The following GRK3 variants were observed in gnomAD, a reference collection of about 807,000 sequenced individuals.
GRK3 encodes adrenergic, beta, receptor kinase 2.
Under a neutral mutation model 95.7 loss-of-function variants are expected in GRK3, and 54 were observed. The ratio of observed to expected loss-of-function variants is 0.56; its 90% CI spans 0.45 to 0.71. The LOEUF (loss-of-function observed/expected upper bound fraction) is 0.71, where lower values mean the gene tolerates loss of function less well. Among genes scored for constraint, GRK3 ranks in the 30% least tolerant of loss-of-function variants. GRK3 has a pLI of 0.00. For synonymous variants in GRK3, 281 were observed against 290.8 expected (o/e 0.97, Z 0.34); for missense variants, 649 against 851.2 (o/e 0.76, Z 2.96).
chr22:25,621,168 A>C (rs1366023858), intron 2 of GRK3, among the ~76,000 whole-genome samples: 1 of 152,252 alleles, frequency 6.6e-6, no homozygotes, highest in Non-Finnish European at 1.5e-5. Context: ...TATCCCTGCT[A>C]TAGAGATAGT....
intron 1 of GRK3, among the ~76,000 whole-genome samples, chr22:25,571,654 A>G (rs1334622006): frequency 6.6e-6 from 1 of 152,182 alleles, no homozygotes; most frequent in African/African-American, 2.4e-5. Context: ...CTGTGGTGCC[A>G]TGTGCTCTGA....
intron 6 of GRK3, among the ~76,000 whole-genome samples, chr22:25,670,200 A>G (rs2084969709): frequency 6.6e-6 from 1 of 152,152 alleles, no homozygotes; most frequent in South Asian, 2.1e-4. Flanking sequence ...CTTATTTTTT[A>G]AAAGGTCTAT....
intron 1 of GRK3, among the ~76,000 whole-genome samples, chr22:25,601,330 T>C (rs2084408462): frequency 6.6e-6 from 1 of 152,120 alleles, no homozygotes. Context: ...CATGAAAGAA[T>C]TAAAGTAAAA....
chr22:25,581,135 GA>G (rs1171945663), intron 1 of GRK3: 15 of 151,816 alleles, frequency 9.9e-5, no homozygotes, highest in South Asian at 2.1e-4. Flanking sequence ...AAAAGTAAAA[GA>G]AAAAAAATGG....
In GRK3 at chr22:25,714,447, T is replaced by C. The variant is rs780091438; in HGVS notation, c.1531T>C (p.Leu511=). Residue 511 remains leucine (L), a synonymous_variant, in exon 18 of 21, where the codon TTG becomes CTG. Transcript: ENST00000324198. The part of the protein sequence containing the change: ...CDQELYKNFP[L]VISERWQQEV... The stretch of plus-strand genomic sequence containing the variant: ...CCAAGAACTCTACAAGAACTTCCCT[T>C]TGGTCATCTCTGAACGCTGGCAGCA... The C allele has an allele frequency of 2.9e-5, 46 of 1,613,328 alleles. No homozygotes were observed. The highest frequency in any genetic ancestry group is 1.0e-5 in the Non-Finnish European group (12 of 1,179,846).
intron 1 of GRK3, among the ~76,000 whole-genome samples, chr22:25,582,005 G>A (rs1932115823): frequency 6.6e-6 from 1 of 152,132 alleles, no homozygotes; most frequent in African/African-American, 2.4e-5. Flanking sequence ...TTTCATGGCT[G>A]GGCGCGGTGG....
Position 25,687,962 on chromosome 22 carries a change from T to C in GRK3, c.957+295T>C, listed in dbSNP as rs5761154. ...TTAATGAAAAGCAATTTAGGCCAGG[T>C]GCGGTGGCTCATGCCTGTAATCCCA... On this transcript the variant is annotated intron_variant, in intron 11 of 20. Coordinates refer to ENST00000324198, the MANE Select transcript of GRK3 (RefSeq NM_005160.4). Among the ~76,000 whole-genome samples the C allele has an allele frequency of 8.6e-3, 1,308 of 152,190 alleles. 19 individuals carry two copies. The highest frequency in any genetic ancestry group is 0.049 in the East Asian group (253 of 5,176).
intron 1 of GRK3, among the ~76,000 whole-genome samples, chr22:25,583,111 G>C (rs1053341688): frequency 6.6e-6 from 1 of 150,962 alleles, no homozygotes; most frequent in Non-Finnish European, 1.5e-5. Flanking sequence ...GGGAAGAGAG[G>C]GGGTAGGAGG....
chr22:25,614,471 C>T (rs529046413), intron 2 of GRK3, among the ~76,000 whole-genome samples: 18 of 152,166 alleles, frequency 1.2e-4, no homozygotes, highest in Non-Finnish European at 2.2e-4. Flanking sequence ...TTAATTTTCC[C>T]AGAGCTCTTC....
At chr22:25,704,620 A>G (rs1270157401) in intron 15 of GRK3, among the ~76,000 whole-genome samples, 1 of 152,190 alleles carries the variant, frequency 6.6e-6, no homozygotes, top group Non-Finnish European at 1.5e-5. Context: ...TATGTTGGCC[A>G]GGCTGGTCTC....
At position 25,720,806 on chromosome 22, in the gene GRK3, C is replaced by T. The variant is rs977270878; in HGVS notation, c.1792-478C>T. Reference sequence around the variant, plus strand: ...CCTTTTAATCTTTTAATGAAACCACCTCTATTTATGACATCATTGGGATAC... The same window carrying T: ...CCTTTTAATCTTTTAATGAAACCACTTCTATTTATGACATCATTGGGATAC... On this transcript the variant is annotated intron_variant, in intron 19 of 20. Coordinates refer to ENST00000324198, the MANE Select transcript of GRK3 (RefSeq NM_005160.4). Among the ~76,000 whole-genome samples the T allele has an allele frequency of 3.9e-5, 6 of 152,054 alleles. No homozygotes were observed. In the East Asian group the frequency reaches 5.8e-4, roughly 15 times the overall value.
At position 25,568,243 on chromosome 22, in the gene GRK3, G is replaced by C. The variant is rs569194868; in HGVS notation, c.113+3090G>C. Among the ~76,000 whole-genome samples, 9 of 152,178 alleles carry C rather than the reference G, an allele frequency of 5.9e-5. No homozygotes were observed. In the South Asian group the frequency reaches 1.9e-3, roughly 32 times the overall value. On this transcript the variant is annotated intron_variant, in intron 1 of 20. Transcript: ENST00000324198. ...TAATTCACAAGCAAAGGCCCACAAAGGGTCATCATCTTAAGCCCTGGAGTG... is the reference window on the plus strand; with the variant it reads ...TAATTCACAAGCAAAGGCCCACAAACGGTCATCATCTTAAGCCCTGGAGTG...
chr22:25,711,089 C>G lies in GRK3; in HGVS notation c.1417C>G (p.Pro473Ala). The G allele has an allele frequency of 3.1e-6, 5 of 1,613,334 alleles. No homozygotes were observed. The highest frequency in any genetic ancestry group is 4.2e-6 in the Non-Finnish European group (5 of 1,179,574). Residue 473 changes from proline (P) to alanine (A), a missense_variant, in exon 17 of 21, where the codon CCC becomes GCC. Coordinates refer to ENST00000324198, the MANE Select transcript of GRK3 (RefSeq NM_005160.4). ...CCAGTACCCACCACCCTTGATTCCTCCCCGGGGAGAAGTCAATGCTGCTGA... is the reference window on the plus strand; with the variant it reads ...CCAGTACCCACCACCCTTGATTCCTGCCCGGGGAGAAGTCAATGCTGCTGA... The part of the protein sequence containing the change: ...LQKYPPPLIP[P>A]RGEVNAADAF...
At chr22:25,661,898 C>T (rs142189854) in intron 4 of GRK3, among the ~76,000 whole-genome samples, 292 of 152,242 alleles carry the variant, frequency 1.9e-3, no homozygotes, top group African/African-American at 6.5e-3. Context: ...GATACTTTCA[C>T]TGCAAACATC....
chr22:25,623,337 C>T (rs1423319785), intron 2 of GRK3, among the ~76,000 whole-genome samples: 1 of 152,222 alleles, frequency 6.6e-6, no homozygotes, highest in Admixed American at 6.5e-5. Flanking sequence ...GCTACGATGG[C>T]ATTGGGCCTT....
chr22:25,667,221 A>C (rs551900124), intron 5 of GRK3, among the ~76,000 whole-genome samples: 2 of 147,010 alleles, frequency 1.4e-5, no homozygotes, highest in Non-Finnish European at 2.9e-5. Context: ...ATAGCTAATT[A>C]AAAAAAATTT....
At chr22:25,651,427 A>T (rs939130931) in intron 3 of GRK3, among the ~76,000 whole-genome samples, 1 of 152,208 alleles carries the variant, frequency 6.6e-6, no homozygotes, top group African/African-American at 2.4e-5. Flanking sequence ...TGACAGATGG[A>T]CTTCATGCAA....
chr22:25,604,625 GTAACATATTC>G (rs1170929146), intron 2 of GRK3, among the ~76,000 whole-genome samples, 172 bp downstream of exon 2: 1 of 152,220 alleles, frequency 6.6e-6, no homozygotes, highest in Non-Finnish European at 1.5e-5. Context: ...TACATTCCTA[GTAACATATTC>G]TATGATTAAG....
rs2084699369 is a variant in GRK3, at chr22:25,636,115, A to G, written c.191-8477A>G. ...TCCTACAAGTGCTTGCTTACTTTCT[A>G]GCAGATGTTTAAAGCTCATGTTGTT... On this transcript the variant is annotated intron_variant, in intron 2 of 20. Transcript: ENST00000324198. Among the ~76,000 whole-genome samples, 3 of 152,252 alleles carry G rather than the reference A, an allele frequency of 2.0e-5. No homozygotes were observed. In the South Asian group the frequency reaches 6.2e-4, roughly 32 times the overall value.
Sources: allele counts gnomAD v4.1 joint callset (sites outside exome capture counted in the v4.1 genomes callset), GRCh38; gene constraint gnomAD v4.1.1; transcripts MANE v1.5; gene names NCBI Gene and HGNC (gene_info 2026-07-23, HGNC 2026-07-21).